The following C5orf24 variants were observed in gnomAD, a reference collection of about 807,000 sequenced individuals.
The protein encoded by C5orf24 is UPF0461 protein C5orf24.
C5orf24 carries 4 observed loss-of-function variants against 9.8 expected under a neutral mutation model. The observed-to-expected ratio is 0.41, with a 90% confidence interval of 0.20 to 0.93. C5orf24 has a LOEUF of 0.93. Among genes scored for constraint, C5orf24 ranks in the 40% least tolerant of loss-of-function variants. C5orf24 has a pLI of 0.33. For synonymous variants in C5orf24, 73 were observed against 81.3 expected (o/e 0.90, Z 0.55); for missense variants, 170 against 236.9 (o/e 0.72, Z 1.85).
intron 1 of C5orf24, among the ~76,000 whole-genome samples, chr5:134,850,136 G>A (rs1158373747): frequency 6.6e-6 from 1 of 151,994 alleles, no homozygotes; most frequent in African/African-American, 2.4e-5. Context: ...ATGAAGAAAT[G>A]GAGATATGTG....
At chr5:134,847,589 C>A (rs1042238701) in intron 1 of C5orf24, among the ~76,000 whole-genome samples, 1 of 152,112 alleles carries the variant, frequency 6.6e-6, no homozygotes, top group South Asian at 2.1e-4. Context: ...CCACTGCACC[C>A]GGCTTCAGTA....
chr5:134,837,427 G>T, the C5orf24 span, among the ~76,000 whole-genome samples: 1 of 152,088 alleles, frequency 6.6e-6, no homozygotes, highest in Non-Finnish European at 1.5e-5. Flanking sequence ...ATAAATGTTG[G>T]CTGGCACTAT....
chr5:134,844,468 C>A (rs143640047), upstream of C5orf24, among the ~76,000 whole-genome samples: 2 of 152,050 alleles, frequency 1.3e-5, no homozygotes, highest in Admixed American at 6.6e-5. Context: ...TCTCAGCCTC[C>A]GTAGCAGCTG....
upstream of C5orf24, among the ~76,000 whole-genome samples, chr5:134,842,365 C>T (rs1206899837): frequency 1.3e-5 from 2 of 151,922 alleles, no homozygotes; most frequent in Admixed American, 1.3e-4. Flanking sequence ...TAGCACATGC[C>T]TATAGTCCCA....
chr5:134,841,270 A>C (rs961641319), upstream of C5orf24, among the ~76,000 whole-genome samples: 1 of 152,182 alleles, frequency 6.6e-6, no homozygotes, highest in African/African-American at 2.4e-5. Context: ...TGTAGTAAGA[A>C]AAATCTCAGT....
At chr5:134,852,770 C>T (rs1756192621) in intron 1 of C5orf24, among the ~76,000 whole-genome samples, 1 of 152,234 alleles carries the variant, frequency 6.6e-6, no homozygotes, top group Admixed American at 6.5e-5. Flanking sequence ...GGCACGGTGG[C>T]TCACGCCTAT....
upstream of C5orf24, among the ~76,000 whole-genome samples, chr5:134,841,238 A>G (rs1235798488): frequency 1.3e-5 from 2 of 151,656 alleles, no homozygotes; most frequent in East Asian, 1.9e-4. Context: ...TGTAGTTTCC[A>G]GTTACTACAG....
intron 1 of C5orf24, among the ~76,000 whole-genome samples, chr5:134,854,640 A>C (rs1225007237): frequency 6.6e-6 from 1 of 152,234 alleles, no homozygotes; most frequent in Non-Finnish European, 1.5e-5. Flanking sequence ...TCCTAATTGG[A>C]GAGCATTATA....
At chr5:134,845,849 G>GCCTGCCAGCCTGGCTC (rs1203169602), upstream of C5orf24, 1 of 152,322 alleles carries the variant, frequency 6.6e-6, no homozygotes, top group African/African-American at 2.4e-5. Context: ...CGCAAGCGCA[G>GCCTGCCAGCCTGGCTC]CCTGCCAGCC....
chr5:134,854,084 AT>A (rs1025777623), intron 1 of C5orf24, among the ~76,000 whole-genome samples: 1 of 152,152 alleles, frequency 6.6e-6, no homozygotes, highest in Non-Finnish European at 1.5e-5. Flanking sequence ...CATCTCAAAA[AT>A]TTTTTTAAAA....
Position 134,859,443 on chromosome 5 carries a change from A to G in C5orf24, c.*3976A>G, listed in dbSNP as rs555124598. The G allele has an allele frequency of 6.0e-6, 1 of 166,896 alleles. No individual in the cohort carries two copies. The highest frequency in any genetic ancestry group is 1.5e-5 in the Non-Finnish European group (1 of 68,112). 10.3% of individuals were successfully genotyped at this position (166,896 alleles called of 1,614,324 possible). ...TAATTTTTGGAAAATTTAATGCTAT[A>G]TAGTAAATCAAGTGTGTGATTTAAA... On this transcript the variant is annotated 3_prime_UTR_variant, in exon 2 of 2. Transcript: ENST00000394976.
chr5:134,850,937 T>TATATATATATATAC (rs762710710), intron 1 of C5orf24, among the ~76,000 whole-genome samples: 11 of 147,052 alleles, frequency 7.5e-5, no homozygotes, highest in African/African-American at 2.5e-4. Context: ...TATATATATA[T>TATATATATATATAC]ACACACACAC....
At chr5:134,845,794 C>T, upstream of C5orf24, 1 of 152,378 alleles carries the variant, frequency 6.6e-6, no homozygotes, top group Non-Finnish European at 1.5e-5. Flanking sequence ...CCACTGGGGA[C>T]GGTCCACGCC....
At chr5:134,838,929 C>G in the C5orf24 span, among the ~76,000 whole-genome samples, 1 of 152,040 alleles carries the variant, frequency 6.6e-6, no homozygotes, top group Admixed American at 6.6e-5. Flanking sequence ...ACCAATCTGG[C>G]CAGGTACAGT....
In C5orf24 at chr5:134,855,068, A is replaced by G; in HGVS notation, c.168A>G (p.Gln56=). 6.2e-7 allele frequency: 1 copy of G among 1,614,178 alleles called. No individual in the cohort carries two copies. Among genetic ancestry groups the G allele is most frequent in the Non-Finnish European group, 8.5e-7 (1 of 1,180,026 alleles). ...ACAAACCAATGGTTTGTCAGAGGCA[A>G]GACCCATTAAATGAAACACACTTGC... is the stretch of plus-strand genomic sequence containing the variant. ...VNHKPMVCQR[Q]DPLNETHLQT... Residue 56 remains glutamine (Q), a synonymous_variant, in exon 2 of 2, where the codon CAA becomes CAG. Transcript: ENST00000394976.
chr5:134,849,262 A>G (rs922392334), intron 1 of C5orf24, among the ~76,000 whole-genome samples: 1 of 152,214 alleles, frequency 6.6e-6, no homozygotes, highest in African/African-American at 2.4e-5. Context: ...CTCAAAAAAA[A>G]AAAGGGAGTG....
Position 134,855,802 on chromosome 5 carries a change from T to C in C5orf24, c.*335T>C. On this transcript the variant is annotated 3_prime_UTR_variant, in exon 2 of 2. Transcript: ENST00000394976. ...TTATGTGATAAACAACTGAAACCATTATACCTATTAGTTTGTGAAGTAAGC... is the reference window on the plus strand; with the variant it reads ...TTATGTGATAAACAACTGAAACCATCATACCTATTAGTTTGTGAAGTAAGC... 8.7e-7 allele frequency: 1 copy of C among 1,155,354 alleles called. No homozygotes were observed. Among genetic ancestry groups the C allele is most frequent in the Non-Finnish European group, 1.1e-6 (1 of 926,574 alleles). 71.6% of individuals were successfully genotyped at this position (1,155,354 alleles called of 1,614,324 possible).
chr5:134,851,636 A>G (rs995409581), intron 1 of C5orf24, among the ~76,000 whole-genome samples: 3 of 152,124 alleles, frequency 2.0e-5, no homozygotes, highest in African/African-American at 7.2e-5. Flanking sequence ...AAACCATGGT[A>G]TGCTACATTG....
At chr5:134,849,029 G>A (rs2150172929) in intron 1 of C5orf24, among the ~76,000 whole-genome samples, 1 of 151,444 alleles carries the variant, frequency 6.6e-6, no homozygotes, top group East Asian at 1.9e-4. Flanking sequence ...AGGCTGAGCG[G>A]GTGGATCACG....
Sources: allele counts gnomAD v4.1 joint callset (sites outside exome capture counted in the v4.1 genomes callset), GRCh38; gene constraint gnomAD v4.1.1; transcripts MANE v1.5; gene names NCBI Gene and HGNC (gene_info 2026-07-23, HGNC 2026-07-21).